Variants in PCDHGB4 observed in about 807,000 individuals in gnomAD.
PCDHGB4 encodes protocadherin gamma-B4.
PCDHGB4 carries 38 observed loss-of-function variants against 60.5 expected under a neutral mutation model. That is an observed-to-expected ratio of 0.63 (90% CI 0.48 to 0.82). The LOEUF is 0.82. Ranked by LOEUF, PCDHGB4 falls within the 40% of genes least tolerant of loss-of-function variation. The pLI is 0.00. For missense variants in PCDHGB4, 1,109 were observed against 1,209.6 expected, an observed-to-expected ratio of 0.92 and a Z score of 1.23; for synonymous variants, 456 against 509.7, an observed-to-expected ratio of 0.89 and a Z score of 1.42.
chr5:141,399,721 G>C, intron 1 of PCDHGB4: 1 of 1,613,292 alleles, frequency 6.2e-7, no homozygotes, highest in Non-Finnish European at 8.5e-7. Flanking sequence ...ACAGGCCCGC[G>C]ACCAGGGCTC....
At chr5:141,492,070 G>T (rs1408035481) in intron 1 of PCDHGB4, 1 of 477,946 alleles carries the variant, frequency 2.1e-6, no homozygotes. Context: ...CCTCCTAGGC[G>T]CCGGCTCCGG....
intron 1 of PCDHGB4, chr5:141,421,848 T>C (rs571838248): frequency 4.9e-5 from 79 of 1,613,634 alleles, no homozygotes; most frequent in Non-Finnish European, 6.0e-5. Flanking sequence ...AGAAAGAGGC[T>C]GCTCACCTGC....
intron 2 of PCDHGB4, among the ~76,000 whole-genome samples, chr5:141,499,209 C>G (rs1171702973): frequency 6.6e-6 from 1 of 152,096 alleles, no homozygotes; most frequent in Admixed American, 6.5e-5. Context: ...GGCTGTAACC[C>G]AGGCCCTGCC....
chr5:141,404,628 C>T (rs1183309479), intron 1 of PCDHGB4: 2 of 1,614,100 alleles, frequency 1.2e-6, no homozygotes, highest in Non-Finnish European at 1.7e-6. Flanking sequence ...AATGACAATG[C>T]CCCAGAAATC....
At chr5:141,510,272 T>TAA (rs546154379) in intron 3 of PCDHGB4, among the ~76,000 whole-genome samples, 3,403 of 130,344 alleles carry the variant, frequency 0.026, 48 homozygotes, top group East Asian at 0.043. Context: ...GACTCCATCT[T>TAA]AAAAAAAAAA....
intron 1 of PCDHGB4, among the ~76,000 whole-genome samples, chr5:141,468,782 C>T (rs1280972843): frequency 2.0e-5 from 3 of 151,990 alleles, no homozygotes; most frequent in East Asian, 3.9e-4. Context: ...AGGAGAATGG[C>T]GTGAACCCGG....
intron 1 of PCDHGB4, among the ~76,000 whole-genome samples, chr5:141,492,781 T>C (rs945023154): frequency 9.9e-5 from 15 of 152,194 alleles, no homozygotes; most frequent in African/African-American, 3.6e-4. Flanking sequence ...TGAGTGAGCC[T>C]CTATAGGACA....
In PCDHGB4 at chr5:141,487,414, T is replaced by C; in HGVS notation, c.2398-7393T>C. On this transcript the variant is annotated intron_variant, in intron 1 of 3. Coordinates refer to ENST00000519479, the MANE Select transcript of PCDHGB4 (RefSeq NM_003736.4). This position sits in a 1 kb window ranked among gnomAD's most constrained non-coding sequence, Gnocchi z 5.0. The stretch of plus-strand genomic sequence containing the variant: ...GGAGGGAGGGGCTTCCCCCTTCCAA[T>C]GGGATCCTCCGAATCCAGCTAGGGT... 3.7e-6 allele frequency: 6 copies of C among 1,614,174 alleles called. No individual in the cohort carries two copies. The highest frequency in any genetic ancestry group is 5.1e-6 in the Non-Finnish European group (6 of 1,180,006).
chr5:141,441,737 C>CG, intron 1 of PCDHGB4: 1 of 365,242 alleles, frequency 2.7e-6, no homozygotes, highest in South Asian at 2.2e-5. Flanking sequence ...AGGACTAGCT[C>CG]GCGCTCGGCG....
intron 1 of PCDHGB4, among the ~76,000 whole-genome samples, chr5:141,450,022 T>TTTTC: frequency 6.7e-6 from 1 of 149,424 alleles, no homozygotes; most frequent in Admixed American, 6.7e-5. Context: ...TTTTTTTTTT[T>TTTTC]TTGAGACAGG....
rs1438257730 is a variant in PCDHGB4, at chr5:141,477,587, C to G, written c.2398-17220C>G. 4.3e-6 allele frequency: 7 copies of G among 1,614,094 alleles called. 1 individual carries two copies. In the South Asian group the frequency reaches 7.7e-5, roughly 18 times the overall value. ...GGACCCCGACGCCCCGCAGAATGCT[C>G]GGCTTTCTTTCTTTCTCTTGGAGCA... On this transcript the variant is annotated intron_variant, in intron 1 of 3. Transcript: ENST00000519479. The surrounding 1 kb of genome is among the most constrained non-coding windows in gnomAD (Gnocchi z 4.9).
chr5:141,430,560 G>T (rs1184226832), intron 1 of PCDHGB4: 1 of 420,160 alleles, frequency 2.4e-6, no homozygotes, highest in Non-Finnish European at 4.1e-6. Context: ...ACCAATCGGG[G>T]AGAGAAAAGC....
At position 141,417,888 on chromosome 5, in the gene PCDHGB4, G is replaced by C. The variant is rs1406210540; in HGVS notation, c.2397+27607G>C. ...GGAGGGAGCTGCGCGCAGAGGCGCC[G>C]GGCCGGCCCGCGGCAGGTACTATTT... is the stretch of plus-strand genomic sequence containing the variant. On this transcript the variant is annotated intron_variant, in intron 1 of 3. Transcript: ENST00000519479. 1.3e-6 allele frequency: 2 copies of C among 1,566,652 alleles called. No homozygotes were observed. The highest frequency in any genetic ancestry group is 1.7e-4 in the Middle Eastern group (1 of 6,016).
intron 1 of PCDHGB4, chr5:141,414,518 A>G (rs746198767): frequency 1.9e-6 from 3 of 1,614,000 alleles, no homozygotes; most frequent in Non-Finnish European, 2.5e-6. Flanking sequence ...CAAGTGGCAG[A>G]TATCAATGAC....
At chr5:141,439,473 G>T (rs1414737627) in intron 1 of PCDHGB4, among the ~76,000 whole-genome samples, 2 of 152,202 alleles carry the variant, frequency 1.3e-5, no homozygotes, top group South Asian at 2.1e-4. Context: ...CTGCCTTTCA[G>T]CTTGCAAATT....
At position 141,511,519 on chromosome 5, in the gene PCDHGB4, C is replaced by A; in HGVS notation, c.*346C>A. On this transcript the variant is annotated 3_prime_UTR_variant, in exon 4 of 4. Transcript: ENST00000519479. ...CCAAATCAATCAGGCCCATCCATCC[C>A]ATGCCTCCCTCCTCCCCACCCCACT... 2.7e-6 allele frequency: 1 copy of A among 367,516 alleles called. No individual in the cohort carries two copies. The highest frequency in any genetic ancestry group is 2.7e-5 in the South Asian group (1 of 36,848). 22.8% of individuals were successfully genotyped at this position (367,516 alleles called of 1,614,324 possible). A position where few individuals can be genotyped will look rare whatever the true frequency, so the allele number is the denominator to read the frequency against.
chr5:141,466,809 CA>C (rs1454424644), intron 1 of PCDHGB4, among the ~76,000 whole-genome samples: 1 of 152,102 alleles, frequency 6.6e-6, no homozygotes, highest in Non-Finnish European at 1.5e-5. Flanking sequence ...CCTATTCAGA[CA>C]TGGTATAACA....
chr5:141,512,897 C>T lies in PCDHGB4; in HGVS notation c.*1724C>T, dbSNP rs1482341871. ...CTCCCACCCCACCCTCTTCCTGTGT[C>T]TCACGCAAGTTTTATACTCTAATAT... On this transcript the variant is annotated 3_prime_UTR_variant, in exon 4 of 4. Coordinates refer to ENST00000519479, the MANE Select transcript of PCDHGB4 (RefSeq NM_003736.4). 1.3e-5 allele frequency: 2 copies of T among 152,274 alleles called. No homozygotes were observed. The highest frequency in any genetic ancestry group is 4.8e-5 in the African/African-American group (2 of 41,470). The allele number at this position is 152,274 out of a possible 1,614,324, so 9.4% of individuals were successfully genotyped here. A position where few individuals can be genotyped will look rare whatever the true frequency, so the allele number is the denominator to read the frequency against.
intron 1 of PCDHGB4, among the ~76,000 whole-genome samples, chr5:141,482,354 G>C (rs1461472845): frequency 6.6e-6 from 1 of 152,096 alleles, no homozygotes; most frequent in Non-Finnish European, 1.5e-5. Context: ...CTTGTTGTGA[G>C]AGTGAAAAGT....
Sources: allele counts gnomAD v4.1 joint callset (sites outside exome capture counted in the v4.1 genomes callset), GRCh38; gene constraint gnomAD v4.1.1; non-coding constraint Gnocchi (gnomAD v3.1); transcripts MANE v1.5; gene names NCBI Gene and HGNC (gene_info 2026-07-23, HGNC 2026-07-21).